The following GRIN2B variants were observed in gnomAD, a reference collection of about 807,000 sequenced individuals.
The protein encoded by GRIN2B is glutamate receptor ionotropic, NMDA 2B.
In GRIN2B, 5 loss-of-function variants were observed where a neutral mutation model predicts 114.5. That is an observed-to-expected ratio of 0.04 (90% CI 0.02 to 0.09). GRIN2B has a LOEUF of 0.09. GRIN2B is among the 10% of genes least tolerant of loss of function. GRIN2B has a pLI of 1.00. For synonymous variants in GRIN2B, 787 were observed against 745.1 expected, an observed-to-expected ratio of 1.06 and a Z score of -0.92; for missense variants, 1,108 against 1,943.5, an observed-to-expected ratio of 0.57 and a Z score of 8.08.
At chr12:13,593,868 T>G (rs1347500332) in intron 10 of GRIN2B, among the ~76,000 whole-genome samples, 1 of 152,158 alleles carries the variant, frequency 6.6e-6, no homozygotes, top group African/African-American at 2.4e-5. Context: ...GTGAAGGATA[T>G]GAACAGACAC....
At chr12:13,716,162 C>T (rs1177132185) in intron 4 of GRIN2B, among the ~76,000 whole-genome samples, 4 of 152,010 alleles carry the variant, frequency 2.6e-5, no homozygotes, top group East Asian at 1.9e-4. Context: ...TATAATACCT[C>T]TGTATCTACA....
rs934216941 is a variant in GRIN2B at position 13,552,222 on chromosome 12, A to T, written c.*10561T>A. 1 of 152,174 alleles carries T rather than the reference A, an allele frequency of 6.6e-6. No homozygotes were observed. Among genetic ancestry groups the T allele is most frequent in the Admixed American group, 6.5e-5 (1 of 15,272 alleles). The allele number at this position is 152,174 out of a possible 1,614,324, so 9.4% of individuals were successfully genotyped here. On this transcript the variant is annotated 3_prime_UTR_variant, in exon 14 of 14. Transcript: ENST00000609686. ...TGATCAAGGGCTCCTTGGGTGCTGTAATCTGAAGGACCTGGGCAGGAATGA... is the reference window on the plus strand; with the variant it reads ...TGATCAAGGGCTCCTTGGGTGCTGTTATCTGAAGGACCTGGGCAGGAATGA...
chr12:13,911,679 T>C (rs1460640601), intron 2 of GRIN2B, among the ~76,000 whole-genome samples: 1 of 152,128 alleles, frequency 6.6e-6, no homozygotes, highest in African/African-American at 2.4e-5. Context: ...GCCTAGTACG[T>C]ACACACGCAC....
At chr12:13,586,292 A>C (rs955816068) in intron 10 of GRIN2B, among the ~76,000 whole-genome samples, 3 of 152,222 alleles carry the variant, frequency 2.0e-5, no homozygotes, top group Non-Finnish European at 4.4e-5. Flanking sequence ...AATATCCTAG[A>C]AACTGTCATT....
intron 4 of GRIN2B, among the ~76,000 whole-genome samples, chr12:13,687,254 C>T (rs1950180580): frequency 6.6e-6 from 1 of 152,192 alleles, no homozygotes; most frequent in African/African-American, 2.4e-5. Flanking sequence ...CATCATTCTC[C>T]TAAGTGTTCT....
At chr12:13,981,950 C>G (rs865900062), upstream of GRIN2B, 1 of 153,228 alleles carries the variant, frequency 6.5e-6, no homozygotes, top group South Asian at 2.1e-4. Context: ...AGGAGAAACC[C>G]ACGAAGCTGG....
rs960463896 is a variant in GRIN2B at position 13,632,125 on chromosome 12, C to T, written c.1126-15468G>A. Among the ~76,000 whole-genome samples, 10 of 152,304 alleles carry T rather than the reference C, an allele frequency of 6.6e-5. No individual in the cohort carries two copies. In the South Asian group the frequency reaches 2.1e-3, roughly 32 times the overall value. Reference sequence around the variant, plus strand: ...ACTGGAAAATCTCCACCAACCAAAGCTTCAAGTGAAGTTCAGAAAAGAAGG... The same window carrying T: ...ACTGGAAAATCTCCACCAACCAAAGTTTCAAGTGAAGTTCAGAAAAGAAGG... On this transcript the variant is annotated intron_variant, in intron 5 of 13. Transcript: ENST00000609686.
chr12:13,716,574 G>A (rs778291340), intron 4 of GRIN2B, among the ~76,000 whole-genome samples: 5 of 151,762 alleles, frequency 3.3e-5, no homozygotes, highest in South Asian at 2.1e-4. Context: ...GATTGATGTC[G>A]AATTTTTCAA....
At chr12:13,599,495 T>C (rs539233917) in intron 10 of GRIN2B, among the ~76,000 whole-genome samples, 1 of 152,238 alleles carries the variant, frequency 6.6e-6, no homozygotes, top group Admixed American at 6.5e-5. Flanking sequence ...CCATGCTGCA[T>C]TAATTTGTCT....
chr12:13,772,024 T>C (rs1863917461), intron 3 of GRIN2B, among the ~76,000 whole-genome samples: 1 of 152,272 alleles, frequency 6.6e-6, no homozygotes. Context: ...ATGATTGCTA[T>C]GATTCCTGGC....
intron 2 of GRIN2B, among the ~76,000 whole-genome samples, chr12:13,926,332 A>G (rs1187009387): frequency 1.3e-5 from 2 of 152,124 alleles, no homozygotes; most frequent in Admixed American, 6.5e-5. Flanking sequence ...TCTGTACCTT[A>G]TTGAATCTCG....
chr12:13,800,829 T>C (rs551121775), intron 3 of GRIN2B, among the ~76,000 whole-genome samples: 1 of 152,338 alleles, frequency 6.6e-6, no homozygotes, highest in Non-Finnish European at 1.5e-5. Context: ...CACTTTGTAT[T>C]GTATAGAGAT....
intron 2 of GRIN2B, among the ~76,000 whole-genome samples, chr12:13,964,311 T>G (rs1867750939): frequency 6.6e-6 from 1 of 152,212 alleles, no homozygotes; most frequent in Non-Finnish European, 1.5e-5. Context: ...TAGACATTTT[T>G]GCCCAAATCT....
At chr12:13,841,501 A>G (rs550723241) in intron 3 of GRIN2B, among the ~76,000 whole-genome samples, 6 of 152,178 alleles carry the variant, frequency 3.9e-5, no homozygotes, top group Admixed American at 6.5e-5. Context: ...GATATCCCAT[A>G]GGACCTCAGT....
intron 3 of GRIN2B, among the ~76,000 whole-genome samples, chr12:13,839,188 T>A (rs952754926): frequency 6.6e-6 from 1 of 152,204 alleles, no homozygotes; most frequent in Non-Finnish European, 1.5e-5. Flanking sequence ...GAATCCGTCA[T>A]CTCTACAGTA....
At position 13,730,707 on chromosome 12, in the gene GRIN2B, C is replaced by A. The variant is rs144144527; in HGVS notation, c.1010+22610G>T. Among the ~76,000 whole-genome samples the A allele has an allele frequency of 4.0e-3, 607 of 152,264 alleles. 4 individuals are homozygous for A. Among genetic ancestry groups the A allele is most frequent in the Middle Eastern group, 6.8e-3 (2 of 294 alleles). On this transcript the variant is annotated intron_variant, in intron 4 of 13. Transcript: ENST00000609686. ...GGAAAATGGTTTGAATCTTTCCCTT[C>A]CCTCAAATTTCTTCCTTATGCTGTT...
At chr12:13,850,690 T>C (rs565065142) in intron 3 of GRIN2B, among the ~76,000 whole-genome samples, 2 of 152,298 alleles carry the variant, frequency 1.3e-5, no homozygotes, top group South Asian at 4.1e-4. Context: ...CAGGCTCCAG[T>C]TAGCCCCTGT....
At chr12:13,581,386 T>C (rs746739696) in intron 10 of GRIN2B, among the ~76,000 whole-genome samples, 1 of 152,158 alleles carries the variant, frequency 6.6e-6, no homozygotes, top group African/African-American at 2.4e-5. Context: ...AAGGGATATG[T>C]ATGTGTGATT....
intron 4 of GRIN2B, among the ~76,000 whole-genome samples, chr12:13,706,240 C>T (rs1479127169): frequency 6.6e-6 from 1 of 151,986 alleles, no homozygotes; most frequent in Non-Finnish European, 1.5e-5. Flanking sequence ...TGGCAAAACA[C>T]TGAGGCTCAA....
Sources: allele counts gnomAD v4.1 joint callset (sites outside exome capture counted in the v4.1 genomes callset), GRCh38; gene constraint gnomAD v4.1.1; transcripts MANE v1.5; gene names NCBI Gene and HGNC (gene_info 2026-07-23, HGNC 2026-07-21).